Variants in UNC13C observed in about 807,000 individuals in gnomAD.
UNC13C encodes protein unc-13 homolog C.
UNC13C carries 174 observed loss-of-function variants against 245.4 expected under a neutral mutation model. The ratio of observed to expected loss-of-function variants is 0.71; its 90% CI spans 0.63 to 0.80. The LOEUF is 0.80. Among genes scored for constraint, UNC13C ranks in the 30% least tolerant of loss-of-function variants. The pLI is 0.00. For missense variants in UNC13C, 2,829 were observed against 2,602.9 expected, an observed-to-expected ratio of 1.09 and a Z score of -1.89; for synonymous variants, 992 against 895.1, an observed-to-expected ratio of 1.11 and a Z score of -1.93.
At chr15:54,373,598 T>C (rs1051848580) in intron 17 of UNC13C, among the ~76,000 whole-genome samples, 1 of 152,080 alleles carries the variant, frequency 6.6e-6, no homozygotes, top group African/African-American at 2.4e-5. Context: ...CCAGGGAACA[T>C]GGTGGTGCCT....
chr15:54,174,882 G>T (rs761661167), intron 4 of UNC13C, among the ~76,000 whole-genome samples: 5 of 152,172 alleles, frequency 3.3e-5, no homozygotes, highest in Admixed American at 6.5e-5. Flanking sequence ...TAAGATGCCA[G>T]TTATCCAAAG....
chr15:54,427,446 C>G (rs901057951), intron 19 of UNC13C, among the ~76,000 whole-genome samples: 8 of 151,740 alleles, frequency 5.3e-5, no homozygotes, highest in Admixed American at 5.3e-4. Context: ...AATTAAGCCT[C>G]TTTTTCTTCC....
At chr15:54,257,618 T>C (rs563389449) in intron 8 of UNC13C, among the ~76,000 whole-genome samples, 17 of 152,296 alleles carry the variant, frequency 1.1e-4, no homozygotes, top group African/African-American at 3.8e-4. Context: ...TCTTGTATTT[T>C]CCCACTGTCA....
intron 30 of UNC13C, among the ~76,000 whole-genome samples, chr15:54,616,052 C>G (rs1900411433): frequency 6.6e-6 from 1 of 151,932 alleles, no homozygotes; most frequent in Admixed American, 6.6e-5. Context: ...GTTAGGATAC[C>G]TAAATTCCCA....
At chr15:54,547,803 TACAC>T (rs1555393353) in intron 27 of UNC13C, among the ~76,000 whole-genome samples, 1 of 151,522 alleles carries the variant, frequency 6.6e-6, no homozygotes, top group African/African-American at 2.4e-5. Context: ...CATTTATAAA[TACAC>T]ACACACATAC....
intron 4 of UNC13C, among the ~76,000 whole-genome samples, chr15:54,144,516 T>C (rs187392243): frequency 6.6e-4 from 100 of 152,250 alleles, no homozygotes; most frequent in Admixed American, 5.4e-3. Context: ...AAGAAACCAA[T>C]CCACAAAGCA....
intron 30 of UNC13C, among the ~76,000 whole-genome samples, chr15:54,592,468 T>C (rs941018141): frequency 2.6e-5 from 4 of 152,224 alleles, no homozygotes; most frequent in Non-Finnish European, 5.9e-5. Flanking sequence ...CTTATAAAAT[T>C]GGGAGCTCCA....
chr15:54,371,247 T>C (rs1040852091), intron 17 of UNC13C, among the ~76,000 whole-genome samples: 20 of 152,200 alleles, frequency 1.3e-4, no homozygotes, highest in African/African-American at 4.8e-4. Context: ...AGAGATCAAC[T>C]TTTTTAGATT....
rs1252988968 is a variant in UNC13C, at chr15:54,133,777, C to G, written c.2984-9241C>G. ...ATGTGTGTGTATTTACTATATCTATCTATATACACAATATCTGTATATACA... is the reference window on the plus strand; with the variant it reads ...ATGTGTGTGTATTTACTATATCTATGTATATACACAATATCTGTATATACA... On this transcript the variant is annotated intron_variant, in intron 2 of 32. Transcript: ENST00000260323. Among the ~76,000 whole-genome samples the G allele has an allele frequency of 2.6e-5, 4 of 152,060 alleles. No homozygotes were observed. The East Asian group carries it at 7.7e-4, about 29-fold the overall frequency.
upstream of UNC13C, among the ~76,000 whole-genome samples, chr15:53,978,429 G>A (rs1893786310): frequency 6.6e-6 from 1 of 152,174 alleles, no homozygotes; most frequent in Non-Finnish European, 1.5e-5. Context: ...TCGCAGTGCC[G>A]GTGCTGCATT....
At chr15:53,893,882 C>T in the UNC13C span, among the ~76,000 whole-genome samples, 5 of 152,150 alleles carry the variant, frequency 3.3e-5, no homozygotes, top group African/African-American at 1.2e-4. Context: ...CGCTGACATT[C>T]GAGGTACCAC....
downstream of UNC13C, chr15:54,631,197 A>T (rs1901451334): frequency 6.6e-6 from 1 of 152,076 alleles, no homozygotes; most frequent in South Asian, 2.1e-4. Context: ...AAATACAAAA[A>T]TGAGTCAGGC....
chr15:54,378,538 T>A (rs2140894992), intron 17 of UNC13C, among the ~76,000 whole-genome samples: 2 of 151,900 alleles, frequency 1.3e-5, no homozygotes, highest in South Asian at 4.1e-4. Context: ...ATGTAAGTAT[T>A]CCCCCATTTT....
intron 4 of UNC13C, among the ~76,000 whole-genome samples, chr15:54,162,916 T>G (rs1018271339): frequency 2.0e-5 from 3 of 152,210 alleles, no homozygotes; most frequent in Non-Finnish European, 2.9e-5. Context: ...AGTTTAATTT[T>G]GTTTTTTTAA....
chr15:54,525,422 A>AT, intron 24 of UNC13C, 127 bp from the exon 25 acceptor site: 1 of 582,772 alleles, frequency 1.7e-6, no homozygotes, highest in Non-Finnish European at 2.8e-6. Context: ...CAAAAAAAAA[A>AT]AAAAAGAAGA....
chr15:54,068,477 G>A (rs1898171706), intron 2 of UNC13C, among the ~76,000 whole-genome samples: 1 of 152,104 alleles, frequency 6.6e-6, no homozygotes, highest in Admixed American at 6.6e-5. Flanking sequence ...ACATCCATTT[G>A]TTTACATATT....
chr15:54,567,985 A>T, intron 30 of UNC13C, 38 bp downstream of exon 30: 2 of 1,376,884 alleles, frequency 1.5e-6, no homozygotes, highest in Non-Finnish European at 1.9e-6. Flanking sequence ...AGGTAAACTG[A>T]ATACTAAAAT....
At chr15:53,926,011 A>T in the UNC13C span, among the ~76,000 whole-genome samples, 2 of 152,228 alleles carry the variant, frequency 1.3e-5, no homozygotes, top group Non-Finnish European at 2.9e-5. Flanking sequence ...TTTTTAAAAG[A>T]CACCTATCTG....
the UNC13C span, among the ~76,000 whole-genome samples, chr15:53,874,843 C>T: frequency 3.1e-3 from 467 of 152,258 alleles, 7 homozygotes; most frequent in Non-Finnish European, 3.0e-3. Context: ...CGCCTGTAAT[C>T]CCAGCACTTT....
Sources: allele counts gnomAD v4.1 joint callset (sites outside exome capture counted in the v4.1 genomes callset), GRCh38; gene constraint gnomAD v4.1.1; transcripts MANE v1.5; gene names NCBI Gene and HGNC (gene_info 2026-07-23, HGNC 2026-07-21).